RIMS1: variants seen among roughly 807,000 people sequenced by gnomAD.
RIMS1 encodes the protein regulating synaptic membrane exocytosis protein 1.
In RIMS1, 83 loss-of-function variants were observed where a neutral mutation model predicts 214.1. The ratio of observed to expected loss-of-function variants is 0.39; its 90% CI spans 0.32 to 0.47. The LOEUF (loss-of-function observed/expected upper bound fraction) is 0.47. RIMS1 is among the 20% of genes least tolerant of loss of function. The pLI, the probability that RIMS1 is intolerant of heterozygous loss-of-function variation, is 0.99. For missense variants in RIMS1, 2,050 were observed against 2,161.8 expected (o/e 0.95, Z 1.03); for synonymous variants, 793 against 786.8 (o/e 1.01, Z -0.13).
chr6:72,348,158 T>A (rs997960555), intron 29 of RIMS1, among the ~76,000 whole-genome samples: 1 of 151,936 alleles, frequency 6.6e-6, no homozygotes, highest in Admixed American at 6.6e-5. Context: ...GGTTTGTTAT[T>A]CTTAGGAAAT....
Position 72,251,210 on chromosome 6 carries a change from C to G in RIMS1, c.2545-5C>G, listed in dbSNP as rs1279341658. The stretch of plus-strand genomic sequence containing the variant: ...CTTGATTTAATTTGAGAATTACCCT[C>G]TCAGATCCTCATAGAATTGGAGACA... On this transcript the variant is annotated splice_polypyrimidine_tract_variant and splice_region_variant and intron_variant, in intron 14 of 33. Transcript: ENST00000521978. 5.7e-6 allele frequency: 9 copies of G among 1,591,910 alleles called. No individual in the cohort carries two copies. The highest frequency in any genetic ancestry group is 7.7e-6 in the Non-Finnish European group (9 of 1,167,870).
chr6:72,196,377 G>GTTTGTCTATCTATCTATCTATCTA (rs1334799674), intron 6 of RIMS1, among the ~76,000 whole-genome samples: 1 of 143,984 alleles, frequency 6.9e-6, no homozygotes, highest in Non-Finnish European at 1.5e-5. Flanking sequence ...CTGTCTGTCT[G>GTTTGTCTATCTATCTATCTATCTA]TCTATCTATC....
chr6:72,240,093 A>G (rs142472139), intron 9 of RIMS1, among the ~76,000 whole-genome samples: 4 of 152,170 alleles, frequency 2.6e-5, no homozygotes, highest in African/African-American at 9.6e-5. Context: ...TTTCTTTATC[A>G]TTTCTTCATG....
In RIMS1 at chr6:72,109,831, T is replaced by C. The variant is rs1303828327; in HGVS notation, c.471+9845T>C. Among the ~76,000 whole-genome samples the C allele has an allele frequency of 1.5e-4, 23 of 152,186 alleles. No homozygotes were observed. The East Asian group carries it at 2.9e-3, about 19-fold the overall frequency. ...GTTTTCTTCTAGGGTTTTTATGGTTTTAGGTCTAACGTTTAAGTCTTTAAT... is the reference window on the plus strand; with the variant it reads ...GTTTTCTTCTAGGGTTTTTATGGTTCTAGGTCTAACGTTTAAGTCTTTAAT... On this transcript the variant is annotated intron_variant, in intron 4 of 33. Transcript: ENST00000521978.
chr6:72,289,980 G>A (rs547843513), intron 24 of RIMS1, among the ~76,000 whole-genome samples: 7 of 151,556 alleles, frequency 4.6e-5, no homozygotes, highest in Non-Finnish European at 1.0e-4. Flanking sequence ...AATTTTAAAC[G>A]CCATAGTAAT....
At chr6:72,225,853 G>C (rs2154063644) in intron 6 of RIMS1, among the ~76,000 whole-genome samples, 1 of 152,226 alleles carries the variant, frequency 6.6e-6, no homozygotes, top group South Asian at 2.1e-4. Context: ...TGTCAATTTT[G>C]TGATTTGTTA....
At chr6:72,084,746 A>C (rs1234744855) in intron 2 of RIMS1, among the ~76,000 whole-genome samples, 1 of 152,172 alleles carries the variant, frequency 6.6e-6, no homozygotes, top group East Asian at 1.9e-4. Context: ...GAAGCAATAG[A>C]CTATAAAACA....
At chr6:71,887,861 G>A (rs907330721) in intron 1 of RIMS1, among the ~76,000 whole-genome samples, 4 of 152,212 alleles carry the variant, frequency 2.6e-5, no homozygotes, top group Middle Eastern at 6.8e-3. Flanking sequence ...TAATGCCACT[G>A]GCAATACAAA....
chr6:71,973,218 A>T (rs1796330664), intron 2 of RIMS1, among the ~76,000 whole-genome samples: 2 of 152,128 alleles, frequency 1.3e-5, no homozygotes, highest in African/African-American at 4.8e-5. Context: ...AGTAATATGG[A>T]TTTTAAAGAC....
intron 2 of RIMS1, among the ~76,000 whole-genome samples, chr6:72,095,578 G>A (rs1326628868): frequency 6.6e-6 from 1 of 152,108 alleles, no homozygotes; most frequent in African/African-American, 2.4e-5. Context: ...TTAATTATTG[G>A]AATTAAATAG....
intron 1 of RIMS1, among the ~76,000 whole-genome samples, chr6:71,904,755 T>C (rs908781272): frequency 1.1e-4 from 17 of 152,168 alleles, no homozygotes; most frequent in African/African-American, 3.9e-4. Flanking sequence ...AATATATAAG[T>C]CAACTGGTAA....
At chr6:72,168,694 G>A (rs1051914194) in intron 4 of RIMS1, among the ~76,000 whole-genome samples, 4 of 146,302 alleles carry the variant, frequency 2.7e-5, no homozygotes, top group African/African-American at 1.0e-4. Flanking sequence ...ATATCTTATT[G>A]GGAAGCTGCT....
chr6:72,361,240 G>C (rs959313714), intron 29 of RIMS1, among the ~76,000 whole-genome samples: 5 of 150,988 alleles, frequency 3.3e-5, no homozygotes, highest in African/African-American at 1.2e-4. Flanking sequence ...CAAGTAGCTG[G>C]GATTACAGGC....
In RIMS1 at chr6:72,298,456, C is replaced by T. The variant is rs76258157; in HGVS notation, c.3850+6410C>T. ...AGGAAACGAGACACAGATCCCCCTCCAGGGAACTTGTTCTCATCCACTTTG... is the reference window on the plus strand; with the variant it reads ...AGGAAACGAGACACAGATCCCCCTCTAGGGAACTTGTTCTCATCCACTTTG... On this transcript the variant is annotated intron_variant, in intron 26 of 33. Transcript: ENST00000521978. Among the ~76,000 whole-genome samples the T allele has an allele frequency of 2.2e-3, 337 of 152,110 alleles. 2 individuals are homozygous for T. Among genetic ancestry groups the T allele is most frequent in the African/African-American group, 7.8e-3 (325 of 41,546 alleles).
rs988170511 is a variant in RIMS1 at position 72,401,931 on chromosome 6, A to G, written c.*1217A>G. ...TTGATTTTTTAATGCAAAGTATCTT[A>G]CTTTTTGGGGGGAAAATAAACAAAA... On this transcript the variant is annotated 3_prime_UTR_variant, in exon 34 of 34. Coordinates refer to ENST00000521978, the MANE Select transcript of RIMS1 (RefSeq NM_014989.7). 1 of 152,644 alleles carries G rather than the reference A, an allele frequency of 6.6e-6. No homozygotes were observed. The highest frequency in any genetic ancestry group is 2.4e-5 in the African/African-American group (1 of 41,462). 9.5% of individuals were successfully genotyped at this position (152,644 alleles called of 1,614,324 possible).
At chr6:72,167,058 T>A (rs951200503) in intron 4 of RIMS1, among the ~76,000 whole-genome samples, 1 of 152,002 alleles carries the variant, frequency 6.6e-6, no homozygotes, top group Admixed American at 6.6e-5. Context: ...TAGTGGTAGG[T>A]TTTTTGATGA....
intron 1 of RIMS1, among the ~76,000 whole-genome samples, chr6:71,902,505 A>G (rs1420602408): frequency 6.6e-6 from 1 of 152,026 alleles, no homozygotes; most frequent in Non-Finnish European, 1.5e-5. Flanking sequence ...TGGGTCAACA[A>G]TTTCCTATGT....
At chr6:72,001,440 C>G (rs764614534) in intron 2 of RIMS1, among the ~76,000 whole-genome samples, 2 of 152,016 alleles carry the variant, frequency 1.3e-5, no homozygotes, top group Non-Finnish European at 1.5e-5. Context: ...GACATGTTAC[C>G]ATTTTAGAAC....
chr6:72,401,544 C>G lies in RIMS1; in HGVS notation c.*830C>G, dbSNP rs1273616298. On this transcript the variant is annotated 3_prime_UTR_variant, in exon 34 of 34. Coordinates refer to ENST00000521978, the MANE Select transcript of RIMS1 (RefSeq NM_014989.7). ...GGTTTCCATTGTTTTGCATGGAAGACTTTTAAAGAAGTCAATCTGCAACTA... is the reference window on the plus strand; with the variant it reads ...GGTTTCCATTGTTTTGCATGGAAGAGTTTTAAAGAAGTCAATCTGCAACTA... 6.6e-6 allele frequency: 1 copy of G among 152,564 alleles called. No homozygotes were observed. Among genetic ancestry groups the G allele is most frequent in the Non-Finnish European group, 1.5e-5 (1 of 68,010 alleles). 9.5% of individuals were successfully genotyped at this position (152,564 alleles called of 1,614,324 possible).
Sources: allele counts gnomAD v4.1 joint callset (sites outside exome capture counted in the v4.1 genomes callset), GRCh38; gene constraint gnomAD v4.1.1; transcripts MANE v1.5; gene names NCBI Gene and HGNC (gene_info 2026-07-23, HGNC 2026-07-21).